LANCL1: variants seen among roughly 807,000 people sequenced by gnomAD.
The protein encoded by LANCL1 is LanC like glutathione S-transferase 1.
LANCL1 carries 50 observed loss-of-function variants against 50.6 expected under a neutral mutation model. The observed-to-expected ratio is 0.99, with a 90% CI of 0.79 to 1.25. LANCL1 has a LOEUF of 1.25. Among genes scored for constraint, LANCL1 ranks in the 50% most tolerant of loss-of-function variants. LANCL1 has a pLI of 0.00. For missense variants in LANCL1, 532 were observed against 480.7 expected (o/e 1.11, Z -1.00); for synonymous variants, 188 against 178.6 (o/e 1.05, Z -0.42).
chr2:210,455,250 T>G lies in LANCL1; in HGVS notation c.264A>C (p.Ala88=). The change falls in exon 4 of 10, where the codon GCA becomes GCC. Residue 88 remains alanine, a synonymous_variant. Transcript: ENST00000450366. ...VFGDPAYLQL[A]HGYVKQSLNC... ...TCAGACTTTGCTTTACATAGCCATGTGCTAACTGTAGGTAGGCAGGGTCCC... is the reference window on the plus strand; with the variant it reads ...TCAGACTTTGCTTTACATAGCCATGGGCTAACTGTAGGTAGGCAGGGTCCC... 6.2e-7 allele frequency: 1 copy of G among 1,612,984 alleles called. No homozygotes were observed. Among genetic ancestry groups the G allele is most frequent in the African/African-American group, 1.3e-5 (1 of 74,720 alleles).
intron 4 of LANCL1, among the ~76,000 whole-genome samples, chr2:210,454,884 G>A (rs1240008586): frequency 6.6e-6 from 1 of 152,178 alleles, no homozygotes; most frequent in African/African-American, 2.4e-5. Flanking sequence ...TTGAACTGAT[G>A]TTTAATCTGG....
At chr2:210,441,464 C>T (rs375810133) in intron 4 of LANCL1, 21 bp from the exon 5 acceptor site, 863 of 1,583,856 alleles carry the variant, frequency 5.4e-4, no homozygotes, top group Non-Finnish European at 7.2e-4. Context: ...AAATACATGC[C>T]CCAAATAATT....
chr2:210,473,915 T>C (rs563481173), intron 2 of LANCL1, among the ~76,000 whole-genome samples: 134 of 152,344 alleles, frequency 8.8e-4, no homozygotes, highest in African/African-American at 3.1e-3. Context: ...AAAAGGCCTA[T>C]AAATCTCAGC....
intron 8 of LANCL1, among the ~76,000 whole-genome samples, chr2:210,435,770 T>C (rs570311747): frequency 6.6e-5 from 10 of 152,268 alleles, no homozygotes; most frequent in South Asian, 2.1e-4. Flanking sequence ...GCTAATTTAA[T>C]TGAAAGGCTT....
intron 3 of LANCL1, among the ~76,000 whole-genome samples, chr2:210,461,450 T>G (rs553637836): frequency 1.1e-3 from 162 of 152,250 alleles, no homozygotes; most frequent in African/African-American, 3.9e-3. Flanking sequence ...CCAGAGTGAC[T>G]CCTTTCAAGT....
intron 4 of LANCL1, among the ~76,000 whole-genome samples, chr2:210,442,916 A>G (rs1693189834): frequency 6.6e-6 from 1 of 152,202 alleles, no homozygotes; most frequent in Admixed American, 6.5e-5. Flanking sequence ...CTACAAAGCA[A>G]TCTCATGCTG....
intron 4 of LANCL1, among the ~76,000 whole-genome samples, chr2:210,452,014 G>A (rs1693525975): frequency 6.6e-6 from 1 of 151,942 alleles, no homozygotes; most frequent in South Asian, 2.1e-4. Flanking sequence ...GATTACCAGG[G>A]GATGATGGTA....
rs1297798094 is a variant in LANCL1 at position 210,476,349 on chromosome 2, G to T, written c.48C>A (p.Ser16=). Reference sequence around the variant, plus strand: ...CAGCATCAAAGTAGCCTTCGGCCAGGGATTTGTTATAATCAGCATAAGGAT... The same window carrying T: ...CAGCATCAAAGTAGCCTTCGGCCAGTGATTTGTTATAATCAGCATAAGGAT... The part of the protein sequence containing the change: ...FPNPYADYNK[S]LAEGYFDAAG... Residue 16 remains serine, a synonymous_variant, in exon 2 of 10, where the codon TCC becomes TCA. Coordinates refer to ENST00000450366, the MANE Select transcript of LANCL1 (RefSeq NM_006055.3). The T allele has an allele frequency of 6.2e-7, 1 of 1,614,050 alleles. No homozygotes were observed. The highest frequency in any genetic ancestry group is 8.5e-7 in the Non-Finnish European group (1 of 1,179,974).
At chr2:210,457,647 T>C (rs917945635) in intron 3 of LANCL1, among the ~76,000 whole-genome samples, 1 of 152,198 alleles carries the variant, frequency 6.6e-6, no homozygotes, top group Non-Finnish European at 1.5e-5. Flanking sequence ...AGATTTAATA[T>C]GCAAAACACC....
intron 3 of LANCL1, chr2:210,460,692 G>C (rs1345735958): frequency 6.6e-6 from 1 of 152,140 alleles, no homozygotes; most frequent in Non-Finnish European, 1.5e-5. Context: ...TGCCTGAACT[G>C]TCAACAATCC....
At chr2:210,443,468 G>A (rs192739684) in intron 4 of LANCL1, among the ~76,000 whole-genome samples, 26 of 152,314 alleles carry the variant, frequency 1.7e-4, no homozygotes, top group Admixed American at 1.6e-3. Context: ...GAAGAAAGTA[G>A]TAATGAGACG....
At chr2:210,444,708 T>C (rs1050049218) in intron 4 of LANCL1, among the ~76,000 whole-genome samples, 4 of 152,136 alleles carry the variant, frequency 2.6e-5, no homozygotes, top group South Asian at 2.1e-4. Flanking sequence ...TACTGAGAAA[T>C]AGATAACCAA....
rs537265608 is a variant in LANCL1, at chr2:210,433,380, G to A, written c.*1107C>T. 1 of 152,246 alleles carries A rather than the reference G, an allele frequency of 6.6e-6. No individual in the cohort carries two copies. The highest frequency in any genetic ancestry group is 2.4e-5 in the African/African-American group (1 of 41,542). The allele number at this position is 152,246 out of a possible 1,614,324, so 9.4% of individuals were successfully genotyped here. ...CTGGATAATACCTCCTCAATAAAAA[G>A]CATTTCTATTAAATGCTTAGTTTAG... On this transcript the variant is annotated 3_prime_UTR_variant, in exon 10 of 10. Coordinates refer to ENST00000450366, the MANE Select transcript of LANCL1 (RefSeq NM_006055.3).
intron 3 of LANCL1, among the ~76,000 whole-genome samples, chr2:210,459,383 A>G (rs938230865): frequency 2.6e-5 from 4 of 152,188 alleles, no homozygotes; most frequent in Non-Finnish European, 5.9e-5. Context: ...CCAGATGTAT[A>G]GTACTTTGAA....
intron 2 of LANCL1, among the ~76,000 whole-genome samples, chr2:210,474,188 AT>A (rs34916693): frequency 3.9e-5 from 6 of 152,000 alleles, no homozygotes; most frequent in Non-Finnish European, 8.8e-5. Context: ...TTTCTTTTCT[AT>A]TTTTTTCTGA....
At chr2:210,463,139 C>T (rs910550777) in intron 3 of LANCL1, among the ~76,000 whole-genome samples, 12 of 152,136 alleles carry the variant, frequency 7.9e-5, no homozygotes, top group Non-Finnish European at 1.6e-4. Flanking sequence ...ATGAAGTACT[C>T]AGCCTTGCTT....
chr2:210,462,132 C>A (rs1057501147), intron 3 of LANCL1, among the ~76,000 whole-genome samples: 6 of 152,132 alleles, frequency 3.9e-5, no homozygotes, highest in African/African-American at 1.4e-4. Flanking sequence ...TCTGGTGAGA[C>A]CCCAGTGATC....
At position 210,437,712 on chromosome 2, in the gene LANCL1, T is replaced by G; in HGVS notation, c.851A>C (p.Tyr284Ser). 1 of 1,605,340 alleles carries G rather than the reference T, an allele frequency of 6.2e-7. No individual in the cohort carries two copies. The highest frequency in any genetic ancestry group is 8.5e-7 in the Non-Finnish European group (1 of 1,176,390). Residue 284 changes from tyrosine to serine, a missense_variant, in exon 7 of 10, where the codon TAC becomes TCC. Coordinates refer to ENST00000450366, the MANE Select transcript of LANCL1 (RefSeq NM_006055.3). ...TACCTTATAGGCCTGGATGAGCATGTAGATTACCCCAGGGGCGCCATGGCA... is the reference window on the plus strand; with the variant it reads ...TACCTTATAGGCCTGGATGAGCATGGAGATTACCCCAGGGGCGCCATGGCA... ...HWCHGAPGVI[Y>S]MLIQAYKVFR... is the part of the protein sequence containing the mutation.
intron 3 of LANCL1, among the ~76,000 whole-genome samples, chr2:210,458,813 C>T (rs908510503): frequency 2.6e-5 from 4 of 152,090 alleles, no homozygotes; most frequent in African/African-American, 9.7e-5. Flanking sequence ...CTGAAGGACA[C>T]TTAATGAGAA....
Sources: allele counts gnomAD v4.1 joint callset (sites outside exome capture counted in the v4.1 genomes callset), GRCh38; gene constraint gnomAD v4.1.1; transcripts MANE v1.5; gene names NCBI Gene and HGNC (gene_info 2026-07-23, HGNC 2026-07-21).